Variants in ODAM observed in about 807,000 individuals in gnomAD.
ODAM encodes the protein odontogenic ameloblast-associated protein.
Under a neutral mutation model 48.5 loss-of-function variants are expected in ODAM, and 55 were observed. The ratio of observed to expected loss-of-function variants is 1.13; its 90% CI spans 0.91 to 1.42. The LOEUF is 1.42. Among genes scored for constraint, ODAM ranks in the 40% most tolerant of loss-of-function variants. The probability of loss-of-function intolerance (pLI) is 0.00; values close to 1 mark genes in which losing one functional copy is unlikely to be tolerated. For synonymous variants in ODAM, 127 were observed against 107.8 expected (o/e 1.18, Z -1.10); for missense variants, 353 against 323.6 (o/e 1.09, Z -0.70).
intron 7 of ODAM, 88 bp from the exon 8 acceptor site, chr4:70,201,366 G>C: frequency 1.6e-6 from 1 of 626,452 alleles, no homozygotes; most frequent in Admixed American, 3.3e-5. Context: ...TATATAAAAA[G>C]ATATATAAGT....
intron 6 of ODAM, among the ~76,000 whole-genome samples, chr4:70,199,790 T>A (rs17704513): frequency 0.12 from 18,457 of 152,030 alleles, 1,320 homozygotes; most frequent in South Asian, 0.24. Flanking sequence ...AGTTGTTTTT[T>A]TTAACTTCAT....
Position 70,198,615 on chromosome 4 carries a change from G to A in ODAM, c.412G>A (p.Glu138Lys). 1.9e-6 allele frequency: 3 copies of A among 1,604,938 alleles called. No homozygotes were observed. The highest frequency in any genetic ancestry group is 1.3e-5 in the African/African-American group (1 of 74,276). Residue 138 changes from glutamate (E) to lysine (K), a missense_variant, in exon 6 of 12, where the codon GAG becomes AAG. By Grantham distance (56) the Glu-to-Lys change is moderately conservative. Coordinates refer to ENST00000683306, the MANE Select transcript of ODAM (RefSeq NM_017855.4). ...PYVFSFKMPQEQGQMFQYYPV... is the reference protein window; with the variant it reads ...PYVFSFKMPQKQGQMFQYYPV... The stretch of plus-strand genomic sequence containing the variant: ...TGTATTCTCCTTCAAAATGCCTCAA[G>A]AGCAAGGACAGGTAAATGGATATAA...
chr4:70,199,197 A>T (rs1470399147), intron 6 of ODAM, among the ~76,000 whole-genome samples: 1 of 152,006 alleles, frequency 6.6e-6, no homozygotes, highest in East Asian at 1.9e-4. Flanking sequence ...TAGTATAATC[A>T]TCATATTAAT....
chr4:70,199,435 T>C (rs1399989732), intron 6 of ODAM, among the ~76,000 whole-genome samples: 1 of 152,028 alleles, frequency 6.6e-6, no homozygotes. Flanking sequence ...GACATAAGCA[T>C]TTAAAGAATT....
At chr4:70,199,003 C>G (rs1420228373) in intron 6 of ODAM, among the ~76,000 whole-genome samples, 1 of 151,960 alleles carries the variant, frequency 6.6e-6, no homozygotes, top group Admixed American at 6.6e-5. Context: ...GAAGGAGATG[C>G]ACTAAGCTGA....
intron 7 of ODAM, among the ~76,000 whole-genome samples, chr4:70,201,213 T>C (rs1011639240): frequency 6.6e-6 from 1 of 151,860 alleles, no homozygotes; most frequent in Non-Finnish European, 1.5e-5. Context: ...ACTGGTAGTA[T>C]TAATTCTAAT....
chr4:70,201,357 A>G, intron 7 of ODAM, 97 bp from the exon 8 acceptor site: 1 of 602,956 alleles, frequency 1.7e-6, no homozygotes, highest in Non-Finnish European at 2.9e-6. Context: ...CTTTTAACTT[A>G]TATAAAAAGA....
intron 1 of ODAM, 41 bp from the exon 2 acceptor site, chr4:70,196,487 GT>G (rs1382929705): frequency 1.8e-6 from 2 of 1,101,794 alleles, no homozygotes; most frequent in African/African-American, 3.1e-5. Context: ...TGAATTTTAA[GT>G]AATGTCTTTA....
intron 6 of ODAM, among the ~76,000 whole-genome samples, chr4:70,199,870 T>C (rs761655991): frequency 2.0e-5 from 3 of 151,998 alleles, no homozygotes; most frequent in Admixed American, 6.6e-5. Flanking sequence ...ACTAAGATTC[T>C]CATTTTCTAT....
chr4:70,202,677 C>T (rs939529735), intron 9 of ODAM, 79 bp from the exon 10 acceptor site: 8 of 1,040,912 alleles, frequency 7.7e-6, no homozygotes, highest in Non-Finnish European at 1.1e-5. Context: ...CATCTCAATC[C>T]TGTTGCTTTA....
In ODAM at chr4:70,197,805, T is replaced by C. The variant is rs1462772837; in HGVS notation, c.142-119T>C. 7 of 727,698 alleles carry C rather than the reference T, an allele frequency of 9.6e-6. No homozygotes were observed. The Admixed American group carries it at 1.1e-4, about 12-fold the overall frequency. 45.1% of individuals were successfully genotyped at this position (727,698 alleles called of 1,614,324 possible). On this transcript the variant is annotated intron_variant, in intron 4 of 11. Coordinates refer to ENST00000683306, the MANE Select transcript of ODAM (RefSeq NM_017855.4). ...TGAATCAAGATGCTGTCCTTTTTTA[T>C]GTTGCAACATTGGAACTATAGAAAT...
At position 70,196,715 on chromosome 4, in the gene ODAM, T is replaced by C; in HGVS notation, c.75T>C (p.Ser25=). The change falls in exon 3 of 12, where the codon TCT becomes TCC. Residue 25 remains serine (S), a synonymous_variant. Coordinates refer to ENST00000683306, the MANE Select transcript of ODAM (RefSeq NM_017855.4). Reference sequence around the variant, plus strand: ...AGCTTATCCCACAGCGTCTCATGTCTGCCAGCAATAGCAATGAGGTTAGTT... The same window carrying C: ...AGCTTATCCCACAGCGTCTCATGTCCGCCAGCAATAGCAATGAGGTTAGTT... ...SAPLIPQRLM[S]ASNSNELLLN... is the part of the protein sequence containing the mutation. 1 of 1,606,898 alleles carries C rather than the reference T, an allele frequency of 6.2e-7. No homozygotes were observed.
intron 9 of ODAM, 32 bp downstream of exon 9, chr4:70,202,361 T>G (rs901532574): frequency 4.6e-6 from 7 of 1,534,104 alleles, no homozygotes; most frequent in Non-Finnish European, 6.3e-6. Flanking sequence ...TGCCAGCTAC[T>G]GGAAATCAAC....
At chr4:70,200,396 G>A in intron 6 of ODAM, 101 bp from the exon 7 acceptor site, 1 of 615,988 alleles carries the variant, frequency 1.6e-6, no homozygotes, top group Admixed American at 3.2e-5. Context: ...AAAGCTGCTA[G>A]ACATAAAACA....
At chr4:70,195,953 G>C (rs996352083) in intron 1 of ODAM, among the ~76,000 whole-genome samples, 160 bp downstream of exon 1, 1 of 151,858 alleles carries the variant, frequency 6.6e-6, no homozygotes, top group Admixed American at 6.6e-5. Context: ...TACTTAAACA[G>C]GTTACACCAT....
At chr4:70,197,759 T>C (rs1449844993) in intron 4 of ODAM, 165 bp from the exon 5 acceptor site, 4 of 626,122 alleles carry the variant, frequency 6.4e-6, no homozygotes, top group African/African-American at 1.9e-5. Context: ...ATTTGCTTCG[T>C]ATTATTTGCT....
chr4:70,198,228 T>A, intron 5 of ODAM, 71 bp downstream of exon 5: 7 of 1,250,590 alleles, frequency 5.6e-6, no homozygotes, highest in African/African-American at 1.5e-5. Context: ...TGAATATGAA[T>A]CAGCTTTGAA....
chr4:70,201,371 A>G, intron 7 of ODAM, 83 bp from the exon 8 acceptor site: 1 of 652,056 alleles, frequency 1.5e-6, no homozygotes. Flanking sequence ...AAAAAGATAT[A>G]TAAGTTTAAG....
intron 9 of ODAM, 118 bp downstream of exon 9, chr4:70,202,447 C>G (rs1729520984): frequency 1.2e-6 from 1 of 856,304 alleles, no homozygotes; most frequent in Non-Finnish European, 1.9e-6. Context: ...TTTGCTTCTT[C>G]TTCTTCTTAC....
Sources: allele counts gnomAD v4.1 joint callset (sites outside exome capture counted in the v4.1 genomes callset), GRCh38; gene constraint gnomAD v4.1.1; transcripts MANE v1.5; gene names NCBI Gene and HGNC (gene_info 2026-07-23, HGNC 2026-07-21).